The following USP49 variants were observed in gnomAD, a reference collection of about 807,000 sequenced individuals.
The protein encoded by USP49 is ubiquitin carboxyl-terminal hydrolase 49.
A neutral mutation model predicts 58.6 loss-of-function variants in USP49; 24 were observed. The observed-to-expected ratio is 0.41, with a 90% confidence interval of 0.30 to 0.58. The LOEUF is 0.58. Ranked by LOEUF, USP49 falls within the 20% of genes least tolerant of loss-of-function variation. USP49 has a pLI of 0.30. For missense variants in USP49, 703 were observed against 866.1 expected (o/e 0.81, Z 2.36); for synonymous variants, 408 against 365.1 (o/e 1.12, Z -1.34).
At chr6:41,872,510 C>T (rs1199024496) in intron 2 of USP49, among the ~76,000 whole-genome samples, 2 of 152,110 alleles carry the variant, frequency 1.3e-5, no homozygotes, top group Non-Finnish European at 2.9e-5. Flanking sequence ...TCTTTCTGTC[C>T]TCCCCAAGTT....
chr6:41,811,607 C>T (rs1773258358), intron 3 of USP49, among the ~76,000 whole-genome samples: 1 of 152,056 alleles, frequency 6.6e-6, no homozygotes, highest in African/African-American at 2.4e-5. Flanking sequence ...GTTTTTACCC[C>T]CTTATAATGC....
chr6:41,819,871 G>A (rs1403560231), intron 3 of USP49, among the ~76,000 whole-genome samples: 1 of 152,180 alleles, frequency 6.6e-6, no homozygotes, highest in Non-Finnish European at 1.5e-5. Flanking sequence ...TAACTACCAG[G>A]TTATAGGAAA....
chr6:41,860,646 T>TAC (rs1774204376), intron 3 of USP49, among the ~76,000 whole-genome samples: 1 of 150,842 alleles, frequency 6.6e-6, no homozygotes, highest in Non-Finnish European at 1.5e-5. Context: ...TAGCTGGGAC[T>TAC]ACAGGCGTGC....
intron 3 of USP49, among the ~76,000 whole-genome samples, chr6:41,837,498 A>G (rs1459384383): frequency 1.3e-5 from 2 of 152,206 alleles, no homozygotes; most frequent in Non-Finnish European, 2.9e-5. Flanking sequence ...AAAACTATAA[A>G]ACCTCTAGAA....
At chr6:41,840,549 A>G (rs551479050) in intron 3 of USP49, among the ~76,000 whole-genome samples, 1 of 152,226 alleles carries the variant, frequency 6.6e-6, no homozygotes, top group Non-Finnish European at 1.5e-5. Flanking sequence ...GGAAATGGGA[A>G]AGAGAGGAGG....
intron 5 of USP49, among the ~76,000 whole-genome samples, chr6:41,802,758 C>T (rs1773043311): frequency 6.6e-6 from 1 of 152,088 alleles, no homozygotes; most frequent in Non-Finnish European, 1.5e-5. Flanking sequence ...TGCATTTCCT[C>T]TGTCCATACT....
chr6:41,881,561 C>T (rs921602427), intron 2 of USP49, among the ~76,000 whole-genome samples: 6 of 151,790 alleles, frequency 4.0e-5, no homozygotes, highest in Non-Finnish European at 8.8e-5. Context: ...AGTTTCAAGG[C>T]AAAACAAAAT....
intron 3 of USP49, among the ~76,000 whole-genome samples, chr6:41,835,752 A>G (rs1018632774): frequency 6.6e-6 from 1 of 151,172 alleles, no homozygotes; most frequent in Non-Finnish European, 1.5e-5. Context: ...CCAAGCTAAC[A>G]AAAGGTAGGT....
At chr6:41,811,647 G>A (rs796640285) in intron 3 of USP49, among the ~76,000 whole-genome samples, 2 of 152,230 alleles carry the variant, frequency 1.3e-5, no homozygotes, top group African/African-American at 4.8e-5. Flanking sequence ...ACTCTTAGTG[G>A]TCAAAAGTAT....
Position 41,864,561 on chromosome 6 carries a change from TCAAAACAAAA to T in USP49, c.-29+6993_-29+7002del, listed in dbSNP as rs1054937356. ...CTCGGCGACAGAGTGAGACTCCGTC[TCAAAACAAAA>T]CAAAACAAAAATCTCCTTTCACACC... On this transcript the variant is annotated intron_variant, in intron 3 of 7. Transcript: ENST00000682992. Among the ~76,000 whole-genome samples the T allele has an allele frequency of 3.9e-5, 6 of 152,114 alleles. No individual in the cohort carries two copies. The South Asian group carries it at 1.2e-3, about 32-fold the overall frequency.
rs78809240 is a variant in USP49 at position 41,807,307 on chromosome 6, C to A, written c.-28-296G>T. Among the ~76,000 whole-genome samples, 122 of 152,036 alleles carry A rather than the reference C, an allele frequency of 8.0e-4. 1 individual carries two copies. Among genetic ancestry groups the A allele is most frequent in the South Asian group, 3.1e-3 (15 of 4,816 alleles). On this transcript the variant is annotated intron_variant, in intron 3 of 7. Transcript: ENST00000682992. The stretch of plus-strand genomic sequence containing the variant: ...TACCAGTGGGAGAGATGAAGAAACT[C>A]AAATAAAAAGTCAATTTTAGGTCGA...
chr6:41,891,437 G>A (rs1223626042), intron 2 of USP49, among the ~76,000 whole-genome samples: 1 of 152,152 alleles, frequency 6.6e-6, no homozygotes, highest in Non-Finnish European at 1.5e-5. Context: ...CCTGTAAAAT[G>A]AGAATAGTAA....
At chr6:41,809,201 A>G (rs1773199043) in intron 3 of USP49, among the ~76,000 whole-genome samples, 2 of 146,938 alleles carry the variant, frequency 1.4e-5, no homozygotes, top group Admixed American at 6.9e-5. Context: ...GTGAGCCACC[A>G]CACCTGGCCT....
chr6:41,888,693 T>A (rs1468774345), intron 2 of USP49, among the ~76,000 whole-genome samples: 2 of 151,994 alleles, frequency 1.3e-5, no homozygotes, highest in Non-Finnish European at 2.9e-5. Flanking sequence ...CCTCAAGTGA[T>A]CCACCCGCCT....
intron 2 of USP49, among the ~76,000 whole-genome samples, chr6:41,890,392 C>A (rs1044711581): frequency 1.1e-4 from 15 of 136,844 alleles, no homozygotes; most frequent in Admixed American, 4.3e-4. Flanking sequence ...AAAAAAAAAA[C>A]GAGTGGATCA....
chr6:41,822,715 C>T (rs974004307), intron 3 of USP49, among the ~76,000 whole-genome samples: 12 of 151,904 alleles, frequency 7.9e-5, no homozygotes, highest in Non-Finnish European at 4.4e-5. Flanking sequence ...CGTAGTGGCG[C>T]GCGCCTGTCG....
intron 3 of USP49, among the ~76,000 whole-genome samples, chr6:41,818,111 A>G (rs566526234): frequency 9.8e-4 from 149 of 152,326 alleles, no homozygotes; most frequent in Non-Finnish European, 1.8e-3. Flanking sequence ...CAAGATCTGT[A>G]AGATGACTGA....
rs747794657 is a variant in USP49, at chr6:41,805,844, G to C, written c.1140C>G (p.Ala380=). 3.0e-5 allele frequency: 49 copies of C among 1,613,888 alleles called. No individual in the cohort carries two copies. The South Asian group carries it at 4.9e-4, about 16-fold the overall frequency. ...TCAGGCTCCACACTGAGTGGAGCAT[G>C]GCGAAGGGCGACACTAGGGCCCACT... ...SGKWALVSPF[A]MLHSVWSLIP... is the part of the protein sequence containing the mutation. Residue 380 remains alanine, a synonymous_variant, in exon 4 of 8, where the codon GCC becomes GCG. Coordinates refer to ENST00000682992, the MANE Select transcript of USP49 (RefSeq NM_001286554.2).
intron 2 of USP49, among the ~76,000 whole-genome samples, chr6:41,872,742 C>CAAA (rs561693628): frequency 7.9e-6 from 1 of 126,986 alleles, no homozygotes; most frequent in Admixed American, 8.1e-5. Flanking sequence ...ACTAAAAATA[C>CAAA]AAAAAAAAAA....
Sources: gnomAD v4.1 joint callset for allele counts (sites outside exome capture counted in the v4.1 genomes callset) on GRCh38, gnomAD v4.1.1 for gene constraint, MANE v1.5 for transcripts, NCBI Gene and HGNC (gene_info 2026-07-23, HGNC 2026-07-21) for gene names.